The following SPAG1 variants were observed in gnomAD, a reference collection of about 807,000 sequenced individuals.
SPAG1 encodes sperm associated antigen 1.
A neutral mutation model predicts 100.5 loss-of-function variants in SPAG1; 69 were observed. The ratio of observed to expected loss-of-function variants is 0.69; its 90% CI spans 0.57 to 0.84. The LOEUF (loss-of-function observed/expected upper bound fraction) is 0.84. SPAG1 is among the 40% of genes least tolerant of loss of function. The pLI, the probability that SPAG1 is intolerant of heterozygous loss-of-function variation, is 0.00. For synonymous variants in SPAG1, 336 were observed against 411.6 expected, an observed-to-expected ratio of 0.82 and a Z score of 2.22; for missense variants, 955 against 1,133.1, an observed-to-expected ratio of 0.84 and a Z score of 2.26.
At chr8:100,172,223 A>G (rs1815890933) in intron 3 of SPAG1, among the ~76,000 whole-genome samples, 1 of 152,060 alleles carries the variant, frequency 6.6e-6, no homozygotes, top group South Asian at 2.1e-4. Flanking sequence ...TTATTCTTTA[A>G]GAACTTTTCA....
chr8:100,210,607 TC>T lies in SPAG1; in HGVS notation c.1097-2481del, dbSNP rs1817679541. Among the ~76,000 whole-genome samples, 3 of 152,204 alleles carry T rather than the reference TC, an allele frequency of 2.0e-5. No individual in the cohort carries two copies. The South Asian group carries it at 6.2e-4, about 32-fold the overall frequency. ...TTTCTGTGCCTACACTGTAGATTTT[TC>T]CTCTCTTCATCCTTTAAGTGTTAGT... On this transcript the variant is annotated intron_variant, in intron 10 of 18. Transcript: ENST00000388798.
In SPAG1 at chr8:100,240,434, C is replaced by A. The variant is rs2132446337; in HGVS notation, c.2312C>A (p.Pro771His). The A allele has an allele frequency of 6.2e-7, 1 of 1,610,164 alleles. No homozygotes were observed. Residue 771 changes from proline (P) to histidine (H), a missense_variant, in exon 18 of 19, where the codon CCT becomes CAT. By Grantham distance (77) the Pro-to-His change is moderately conservative. Coordinates refer to ENST00000388798, the MANE Select transcript of SPAG1 (RefSeq NM_003114.5). ...VNEGKEEPGR[P>H]AGEVSMGCLA... ...GAAGGCAAGGAGGAGCCTGGAAGACCTGCAGGGGAGGTCTCCATGGGATGC... is the reference window on the plus strand; with the variant it reads ...GAAGGCAAGGAGGAGCCTGGAAGACATGCAGGGGAGGTCTCCATGGGATGC...
intron 13 of SPAG1, among the ~76,000 whole-genome samples, chr8:100,221,616 G>A (rs1586523580): frequency 6.6e-6 from 1 of 152,246 alleles, no homozygotes; most frequent in South Asian, 2.1e-4. Flanking sequence ...CATGGTCTCC[G>A]TCTTTAAACA....
chr8:100,239,367 A>G lies in SPAG1; in HGVS notation c.2243A>G (p.Asn748Ser), dbSNP rs374665257. The change falls in exon 17 of 19, where the codon AAC (asparagine) becomes AGC (serine). Residue 748 changes from asparagine to serine, a missense_variant. Asn to Ser is a conservative substitution (Grantham distance 46). Coordinates refer to ENST00000388798, the MANE Select transcript of SPAG1 (RefSeq NM_003114.5). This position sits in a 1 kb window ranked among gnomAD's most constrained non-coding sequence, Gnocchi z 5.0. ...LNLKDKTAPFNKEKERRKIEI... is the reference protein window; with the variant it reads ...LNLKDKTAPFSKEKERRKIEI... ...CTTAAGGATAAGACAGCACCATTCAACAAAGAAAAGGAGAGAAGGAAAATT... is the reference window on the plus strand; with the variant it reads ...CTTAAGGATAAGACAGCACCATTCAGCAAAGAAAAGGAGAGAAGGAAAATT... The G allele has an allele frequency of 6.2e-7, 1 of 1,606,462 alleles. No individual in the cohort carries two copies. The highest frequency in any genetic ancestry group is 1.3e-5 in the African/African-American group (1 of 74,708).
chr8:100,206,648 C>CAAGATATTCCTTCTAAGGTGAAGG (rs1293054415), intron 10 of SPAG1, among the ~76,000 whole-genome samples: 205 of 152,248 alleles, frequency 1.3e-3, no homozygotes, highest in Non-Finnish European at 2.2e-3. Context: ...TAAGGTGAAG[C>CAAGATATTCCTTCTAAGGTGAAGG]AAGATATTCC....
In SPAG1 at chr8:100,241,052, C is replaced by T; in HGVS notation, c.*30C>T. 2 of 1,602,548 alleles carry T rather than the reference C, an allele frequency of 1.2e-6. No individual in the cohort carries two copies. Among genetic ancestry groups the T allele is most frequent in the African/African-American group, 1.3e-5 (1 of 74,630 alleles). ...AGATAATTGTTAGATTTCTTCCATG[C>T]ATGTATGTGTTCCAGGAATGTTAAT... On this transcript the variant is annotated 3_prime_UTR_variant, in exon 19 of 19. Transcript: ENST00000388798. This position sits in a 1 kb window ranked among gnomAD's most constrained non-coding sequence, Gnocchi z 5.1.
chr8:100,220,139 G>A (rs1488212087), intron 12 of SPAG1, 140 bp from the exon 13 acceptor site: 2 of 640,286 alleles, frequency 3.1e-6, no homozygotes, highest in Non-Finnish European at 5.1e-6. Context: ...TTGCCTTTCT[G>A]GCATGTTGCC....
intron 4 of SPAG1, among the ~76,000 whole-genome samples, chr8:100,180,085 A>G (rs1436345737): frequency 6.6e-6 from 1 of 152,186 alleles, no homozygotes; most frequent in African/African-American, 2.4e-5. Flanking sequence ...TAATTCCAGC[A>G]CTTTGGGAGG....
intron 12 of SPAG1, among the ~76,000 whole-genome samples, 176 bp downstream of exon 12, chr8:100,214,094 T>C (rs570703286): frequency 2.0e-5 from 3 of 152,354 alleles, no homozygotes; most frequent in East Asian, 3.9e-4. Flanking sequence ...AAGAGAGTTA[T>C]AGAAGATTGT....
chr8:100,191,031 A>T (rs930716219), intron 8 of SPAG1, among the ~76,000 whole-genome samples: 10 of 152,260 alleles, frequency 6.6e-5, no homozygotes, highest in East Asian at 5.8e-4. Flanking sequence ...AATACTCGCC[A>T]TAATTATAAA....
At position 100,215,815 on chromosome 8, in the gene SPAG1, C is replaced by T. The variant is rs541544493; in HGVS notation, c.1535+1897C>T. Among the ~76,000 whole-genome samples the T allele has an allele frequency of 1.6e-4, 25 of 152,336 alleles. 1 individual carries two copies. The highest frequency in any genetic ancestry group is 4.6e-4 in the African/African-American group (19 of 41,586). The stretch of plus-strand genomic sequence containing the variant: ...CTGGGATTACAGGCGTGAGCCACCG[C>T]GCCCGGCCCAGTTTATTGATATGGG... On this transcript the variant is annotated intron_variant, in intron 12 of 18. Transcript: ENST00000388798.
Position 100,213,809 on chromosome 8 carries a change from T to A in SPAG1, c.1436-10T>A. On this transcript the variant is annotated splice_polypyrimidine_tract_variant and intron_variant, in intron 11 of 18. Coordinates refer to ENST00000388798, the MANE Select transcript of SPAG1 (RefSeq NM_003114.5). ...GATTTTAACTGTATTTAATTAAATG[T>A]GATTTTTAGGAAGTGAAATTGCAGA... 1 of 1,475,120 alleles carries A rather than the reference T, an allele frequency of 6.8e-7. No individual in the cohort carries two copies. Among genetic ancestry groups the A allele is most frequent in the Non-Finnish European group, 9.4e-7 (1 of 1,060,620 alleles). 91.4% of individuals were successfully genotyped at this position (1,475,120 alleles called of 1,614,324 possible). A position where few individuals can be genotyped will look rare whatever the true frequency, so the allele number is the denominator to read the frequency against.
intron 3 of SPAG1, among the ~76,000 whole-genome samples, chr8:100,176,839 C>G (rs1310167528): frequency 1.4e-5 from 2 of 147,990 alleles, no homozygotes; most frequent in African/African-American, 2.5e-5. Context: ...CTCTCCTCTC[C>G]TCTTCTCTCT....
intron 10 of SPAG1, among the ~76,000 whole-genome samples, chr8:100,210,689 A>G (rs1263228102): frequency 6.6e-6 from 1 of 151,666 alleles, no homozygotes; most frequent in Non-Finnish European, 1.5e-5. Flanking sequence ...CCAAACTTTT[A>G]TTTTTATTTT....
chr8:100,201,828 T>C (rs1314978450), intron 10 of SPAG1, among the ~76,000 whole-genome samples: 1 of 151,986 alleles, frequency 6.6e-6, no homozygotes, highest in Non-Finnish European at 1.5e-5. Context: ...CACAGGGAGG[T>C]TCCTGGAAGG....
intron 10 of SPAG1, among the ~76,000 whole-genome samples, chr8:100,206,378 T>G (rs745926963): frequency 1.3e-5 from 2 of 152,226 alleles, no homozygotes; most frequent in Non-Finnish European, 2.9e-5. Flanking sequence ...GTATATCAAC[T>G]CTGCGGCTTT....
chr8:100,177,072 GC>G (rs1052477065), intron 3 of SPAG1, among the ~76,000 whole-genome samples: 3 of 152,038 alleles, frequency 2.0e-5, no homozygotes, highest in Admixed American at 6.5e-5. Context: ...AAGCAATTCA[GC>G]TTTTTCTTGT....
intron 3 of SPAG1, among the ~76,000 whole-genome samples, chr8:100,167,526 T>C (rs1815616525): frequency 6.6e-6 from 1 of 152,256 alleles, no homozygotes; most frequent in African/African-American, 2.4e-5. Context: ...TATTTTTGGA[T>C]GGCAGTTGAC....
chr8:100,174,144 T>C (rs1399972613), intron 3 of SPAG1, among the ~76,000 whole-genome samples: 1 of 152,114 alleles, frequency 6.6e-6, no homozygotes, highest in Non-Finnish European at 1.5e-5. Context: ...AACTTTTGAC[T>C]CCCCCAAAAC....
Sources: allele counts gnomAD v4.1 joint callset (sites outside exome capture counted in the v4.1 genomes callset), GRCh38; gene constraint gnomAD v4.1.1; non-coding constraint Gnocchi (gnomAD v3.1); transcripts MANE v1.5; gene names NCBI Gene and HGNC (gene_info 2026-07-23, HGNC 2026-07-21).